The following CHODL variants were observed in gnomAD, a reference collection of about 807,000 sequenced individuals.
CHODL encodes the protein chondrolectin.
CHODL carries 29 observed loss-of-function variants against 34.5 expected under a neutral mutation model. That is an observed-to-expected ratio of 0.84 (90% confidence interval 0.63 to 1.15). CHODL has a LOEUF of 1.15. Among genes scored for constraint, CHODL ranks in the 50% most tolerant of loss-of-function variants. The pLI is 0.00. For missense variants in CHODL, 332 were observed against 332.5 expected, an observed-to-expected ratio of 1.00 and a Z score of 0.01; for synonymous variants, 125 against 116.1, an observed-to-expected ratio of 1.08 and a Z score of -0.49.
intron 2 of CHODL, among the ~76,000 whole-genome samples, chr21:18,146,822 T>G (rs886448145): frequency 4.6e-5 from 7 of 152,224 alleles, no homozygotes; most frequent in Non-Finnish European, 7.3e-5. Flanking sequence ...GCATCCACTC[T>G]TTTTTATTTA....
At chr21:18,078,040 G>T (rs1430029815) in intron 2 of CHODL, among the ~76,000 whole-genome samples, 2 of 152,148 alleles carry the variant, frequency 1.3e-5, no homozygotes. Flanking sequence ...ATAATTCAGG[G>T]TCTGCCATTT....
intron 1 of CHODL, among the ~76,000 whole-genome samples, chr21:17,991,546 C>T (rs1027867376): frequency 6.6e-6 from 1 of 151,892 alleles, no homozygotes; most frequent in African/African-American, 2.4e-5. Flanking sequence ...TTGTATTCCT[C>T]TAATGATTAG....
At chr21:18,148,914 C>G (rs1009659940) in intron 2 of CHODL, among the ~76,000 whole-genome samples, 2 of 149,516 alleles carry the variant, frequency 1.3e-5, no homozygotes, top group African/African-American at 4.9e-5. Context: ...TGATGGAGCC[C>G]TTTTTTTAAA....
At chr21:17,942,458 A>C (rs112112309) in intron 1 of CHODL, among the ~76,000 whole-genome samples, 2 of 152,158 alleles carry the variant, frequency 1.3e-5, no homozygotes, top group African/African-American at 4.8e-5. Flanking sequence ...TTCACCTTCC[A>C]CCAGGATTGT....
intron 2 of CHODL, among the ~76,000 whole-genome samples, chr21:18,137,791 A>T (rs867768613): frequency 6.6e-6 from 1 of 152,162 alleles, no homozygotes; most frequent in African/African-American, 2.4e-5. Context: ...TGCTGCCCTT[A>T]CTGTGAGAAA....
intron 2 of CHODL, among the ~76,000 whole-genome samples, chr21:18,110,364 C>T (rs930206761): frequency 2.0e-5 from 3 of 152,098 alleles, no homozygotes; most frequent in African/African-American, 7.2e-5. Context: ...TCTGAGTTGG[C>T]CCTGGGACTT....
chr21:18,005,819 T>C (rs2063955234), intron 1 of CHODL, among the ~76,000 whole-genome samples: 1 of 151,940 alleles, frequency 6.6e-6, no homozygotes, highest in South Asian at 2.1e-4. Context: ...CAGCACACAC[T>C]GGGGCCTGTG....
chr21:18,051,458 C>G (rs1430597018), intron 2 of CHODL, among the ~76,000 whole-genome samples: 1 of 143,700 alleles, frequency 7.0e-6, no homozygotes, highest in Non-Finnish European at 1.5e-5. Context: ...GTGACACATT[C>G]TGGGCTTATA....
chr21:18,090,457 A>T (rs2065058971), intron 2 of CHODL, among the ~76,000 whole-genome samples: 2 of 152,196 alleles, frequency 1.3e-5, no homozygotes, highest in Admixed American at 1.3e-4. Flanking sequence ...ATTGAACAGG[A>T]TAACCATGTC....
At chr21:18,139,020 C>A (rs1342249345) in intron 2 of CHODL, among the ~76,000 whole-genome samples, 2 of 151,960 alleles carry the variant, frequency 1.3e-5, no homozygotes, top group East Asian at 3.9e-4. Flanking sequence ...TCTTCTATGT[C>A]ATTTCATAAA....
chr21:17,926,375 G>C (rs867907310), intron 1 of CHODL, among the ~76,000 whole-genome samples: 3 of 60,540 alleles, frequency 5.0e-5, no homozygotes, highest in South Asian at 8.0e-4. Context: ...AAATAAGGTG[G>C]GTTTTTTTTT....
chr21:17,978,272 A>G (rs2063683243), intron 1 of CHODL, among the ~76,000 whole-genome samples: 2 of 151,356 alleles, frequency 1.3e-5, no homozygotes, highest in Non-Finnish European at 3.0e-5. Flanking sequence ...AAATACAAAA[A>G]TTAGCTGGGT....
intron 2 of CHODL, among the ~76,000 whole-genome samples, chr21:18,035,959 T>G (rs931185618): frequency 6.6e-6 from 1 of 152,052 alleles, no homozygotes; most frequent in Non-Finnish European, 1.5e-5. Context: ...CATCATATTT[T>G]CCTCCTTTGC....
intron 2 of CHODL, among the ~76,000 whole-genome samples, chr21:18,220,332 T>C (rs1257306613): frequency 6.6e-6 from 1 of 152,176 alleles, no homozygotes; most frequent in Non-Finnish European, 1.5e-5. Flanking sequence ...TTCAAACTTA[T>C]TATTGATAGG....
At chr21:17,958,444 A>G (rs1452451270) in intron 1 of CHODL, among the ~76,000 whole-genome samples, 1 of 152,182 alleles carries the variant, frequency 6.6e-6, no homozygotes, top group African/African-American at 2.4e-5. Context: ...TACTGTTAAT[A>G]TATCCTGGTA....
In CHODL at chr21:17,933,510, A is replaced by C. The variant is rs191281000; in HGVS notation, c.-145+16110A>C. Among the ~76,000 whole-genome samples, 857 of 152,306 alleles carry C rather than the reference A, an allele frequency of 5.6e-3. 12 individuals are homozygous for C. Among genetic ancestry groups the C allele is most frequent in the African/African-American group, 0.02 (818 of 41,556 alleles). ...ATCTTGCATAGCCCTTAATCCATTT[A>C]ACCCTGAGTTGACACAGCACATGTT... is the stretch of plus-strand genomic sequence containing the variant. On this transcript the variant is annotated intron_variant, in intron 1 of 6. Coordinates refer to the CHODL transcript ENST00000400127.
intron 2 of CHODL, among the ~76,000 whole-genome samples, chr21:18,081,687 G>GAAA (rs34292856): frequency 4.8e-5 from 4 of 83,636 alleles, no homozygotes; most frequent in Non-Finnish European, 9.1e-5. Flanking sequence ...ATCTCAAAAA[G>GAAA]AAAAAAAAAA....
At chr21:18,242,451 A>G (rs949211111), upstream of CHODL, among the ~76,000 whole-genome samples, 2 of 151,324 alleles carry the variant, frequency 1.3e-5, no homozygotes, top group African/African-American at 4.9e-5. Context: ...GGAAGCCAAG[A>G]GAAGCTTCCA....
chr21:18,128,997 A>G (rs977587601), intron 2 of CHODL, among the ~76,000 whole-genome samples: 1 of 152,040 alleles, frequency 6.6e-6, no homozygotes, highest in Non-Finnish European at 1.5e-5. Flanking sequence ...TACTTTTTCT[A>G]TGTGGAGCCA....
Sources: gnomAD v4.1 joint callset for allele counts (sites outside exome capture counted in the v4.1 genomes callset) on GRCh38, gnomAD v4.1.1 for gene constraint, MANE v1.5 for transcripts, NCBI Gene and HGNC (gene_info 2026-07-23, HGNC 2026-07-21) for gene names.